Variants in TRRAP observed in about 807,000 individuals in gnomAD.
The protein encoded by TRRAP is transformation/transcription domain associated protein, also known as transformation/transcription domain-associated protein.
Under a neutral mutation model 438.8 loss-of-function variants are expected in TRRAP, and 41 were observed. That is an observed-to-expected ratio of 0.09 (90% CI 0.07 to 0.12). The LOEUF is 0.12. Ranked by LOEUF, TRRAP falls within the 10% of genes least tolerant of loss-of-function variation. The pLI, the probability that TRRAP is intolerant of heterozygous loss-of-function variation, is 1.00. For missense variants in TRRAP, 3,122 were observed against 5,055.1 expected (o/e 0.62, Z 11.60); for synonymous variants, 1,994 against 1,962.9 (o/e 1.02, Z -0.42).
In TRRAP at chr7:98,994,064, A is replaced by G. The variant is rs1793539241; in HGVS notation, c.10047+327A>G. 6.6e-6 allele frequency among the ~76,000 whole-genome samples: 1 copy of G among 152,342 alleles called. No homozygotes were observed. Among genetic ancestry groups the G allele is most frequent in the South Asian group, 2.1e-4 (1 of 4,828 alleles). ...GAGCAGTGGCATGAGTAACAGGGTT[A>G]TAATTTCCATAGATGGGAAATTGTA... On this transcript the variant is annotated intron_variant, in intron 66 of 72. Coordinates refer to ENST00000456197, the MANE Select transcript of TRRAP (RefSeq NM_001375524.1). The surrounding 1 kb of genome is among the most constrained non-coding windows in gnomAD (Gnocchi z 4.8).
chr7:98,910,522 T>G lies in TRRAP; in HGVS notation c.1727T>G (p.Ile576Ser). 6.2e-7 allele frequency: 1 copy of G among 1,614,066 alleles called. No individual in the cohort carries two copies. The highest frequency in any genetic ancestry group is 1.1e-5 in the South Asian group (1 of 91,050). ...SCKAPGEAQF[I>S]PNKQLQPKET... Reference sequence around the variant, plus strand: ...TTCTCTTTTCCAGAAGCTCAGTTCATTCCCAACAAGCAGTTACAACCCAAA... The same window carrying G: ...TTCTCTTTTCCAGAAGCTCAGTTCAGTCCCAACAAGCAGTTACAACCCAAA... The change falls in exon 16 of 73, where the codon ATT becomes AGT. Residue 576 changes from isoleucine (I) to serine (S), a missense_variant. Coordinates refer to ENST00000456197, the MANE Select transcript of TRRAP (RefSeq NM_001375524.1).
intron 22 of TRRAP, among the ~76,000 whole-genome samples, chr7:98,926,098 G>A (rs577970619): frequency 2.6e-5 from 4 of 152,158 alleles, no homozygotes; most frequent in East Asian, 1.9e-4. Context: ...AGAAGTTGTC[G>A]AATACTTATC....
chr7:98,917,538 T>G lies in TRRAP; in HGVS notation c.2481T>G (p.Leu827=). 5 of 1,614,166 alleles carry G rather than the reference T, an allele frequency of 3.1e-6. No individual in the cohort carries two copies. Among genetic ancestry groups the G allele is most frequent in the Non-Finnish European group, 4.2e-6 (5 of 1,180,028 alleles). Residue 827 remains leucine, a synonymous_variant, in exon 20 of 73, where the codon CTT becomes CTG. Transcript: ENST00000456197. ...CGCTTTTGCCGTACCTGCCCATGCT[T>G]ATGGATCCCTTGGTGTCTGCACTCA... ...LSSLLPYLPM[L]MDPLVSALNG... is the part of the protein sequence containing the mutation.
intron 44 of TRRAP, among the ~76,000 whole-genome samples, chr7:98,958,670 C>T (rs185830423): frequency 1.3e-3 from 201 of 152,216 alleles, no homozygotes; most frequent in African/African-American, 4.2e-3. Flanking sequence ...TTCTAGTTGA[C>T]AGCATGTTAA....
In TRRAP at chr7:98,956,341, TC is replaced by T; in HGVS notation, c.6096+39del. ...AGCCTCAGGGGTGCCCCGATCGTCT[TC>T]CTTTGACTTCTCCCTAGAAATCAGT... On this transcript the variant is annotated intron_variant, in intron 42 of 72. Coordinates refer to ENST00000456197, the MANE Select transcript of TRRAP (RefSeq NM_001375524.1). This position sits in a 1 kb window ranked among gnomAD's most constrained non-coding sequence, Gnocchi z 4.5. 1 of 1,613,418 alleles carries T rather than the reference TC, an allele frequency of 6.2e-7. No homozygotes were observed. The highest frequency in any genetic ancestry group is 8.5e-7 in the Non-Finnish European group (1 of 1,179,482).
intron 41 of TRRAP, among the ~76,000 whole-genome samples, chr7:98,955,936 G>A (rs1341891960): frequency 9.2e-5 from 14 of 152,184 alleles, no homozygotes; most frequent in Non-Finnish European, 1.5e-4. Flanking sequence ...ATGTAGTTGG[G>A]GTGGGGGAGG....
At position 98,997,483 on chromosome 7, in the gene TRRAP, C is replaced by CAAAAAA. The variant is rs61132070; in HGVS notation, c.10309+2659_10309+2664dup. Among the ~76,000 whole-genome samples, 141 of 42,620 alleles carry CAAAAAA rather than the reference C, an allele frequency of 3.3e-3. 11 individuals are homozygous for CAAAAAA. The highest frequency in any genetic ancestry group is 8.6e-3 in the African/African-American group (101 of 11,734). The allele number at this position is 42,620 out of a possible 152,430, so 28.0% of individuals were successfully genotyped here. ...ATTATCACCCAAAACACTGCTGTTG[C>CAAAAAA]AAAAAAAAAAAAAAAAAAAAAAAAA... On this transcript the variant is annotated intron_variant, in intron 67 of 72. Coordinates refer to ENST00000456197, the MANE Select transcript of TRRAP (RefSeq NM_001375524.1).
chr7:98,962,274 C>T, intron 46 of TRRAP, 28 bp from the exon 47 acceptor site: 2 of 1,613,944 alleles, frequency 1.2e-6, no homozygotes, highest in Non-Finnish European at 1.7e-6. Flanking sequence ...GCCATAACCA[C>T]AGTGCCTGGG....
chr7:98,910,395 A>G lies in TRRAP; in HGVS notation c.1690A>G (p.Ile564Val), dbSNP rs782504945. The G allele has an allele frequency of 3.2e-5, 51 of 1,609,362 alleles. No individual in the cohort carries two copies. The highest frequency in any genetic ancestry group is 4.2e-5 in the Non-Finnish European group (50 of 1,178,986). ...TGGTGTCAAGACAATCACGTGGGGC[A>G]TAACATCATGCAAAGCACCTGGTGG... ...VCGVKTITWG[I>V]TSCKAPGEAQ... The change falls in exon 15 of 73, where the codon ATA (isoleucine) becomes GTA (valine). Residue 564 changes from isoleucine (I) to valine (V), a missense_variant. Around this residue, in one of 24 missense-constraint regions of TRRAP, gnomAD observed 149 missense variants for 302.8 expected, o/e 0.49. Coordinates refer to ENST00000456197, the MANE Select transcript of TRRAP (RefSeq NM_001375524.1).
chr7:98,977,085 C>T lies in TRRAP; in HGVS notation c.8385+9C>T. 2 of 1,614,206 alleles carry T rather than the reference C, an allele frequency of 1.2e-6. No individual in the cohort carries two copies. The highest frequency in any genetic ancestry group is 8.5e-7 in the Non-Finnish European group (1 of 1,180,040). On this transcript the variant is annotated intron_variant, in intron 56 of 72. Coordinates refer to ENST00000456197, the MANE Select transcript of TRRAP (RefSeq NM_001375524.1). ...ACGGGTTCTTTGAGCAGGTAAACCTCAGACCACTGACGGTCTTGGGTGTGT... is the reference window on the plus strand; with the variant it reads ...ACGGGTTCTTTGAGCAGGTAAACCTTAGACCACTGACGGTCTTGGGTGTGT...
At position 98,978,910 on chromosome 7, in the gene TRRAP, A is replaced by G. The variant is rs1232017620; in HGVS notation, c.8634+6A>G. On this transcript the variant is annotated splice_donor_region_variant and intron_variant, in intron 58 of 72. Coordinates refer to ENST00000456197, the MANE Select transcript of TRRAP (RefSeq NM_001375524.1). ...TGAAGGAGGCGCTGGTGCAGGTGAG[A>G]CGCCCCGGGGGCATCCCTGCCGCTG... 6.2e-7 allele frequency: 1 copy of G among 1,613,596 alleles called. No individual in the cohort carries two copies. The highest frequency in any genetic ancestry group is 1.1e-5 in the South Asian group (1 of 91,088).
chr7:98,951,957 A>AT (rs782567140), intron 39 of TRRAP, among the ~76,000 whole-genome samples: 1 of 151,924 alleles, frequency 6.6e-6, no homozygotes, highest in African/African-American at 2.4e-5. Flanking sequence ...TGCTGTGGGG[A>AT]TTTTGAACGT....
intron 11 of TRRAP, among the ~76,000 whole-genome samples, chr7:98,901,929 G>C (rs1554406714): frequency 6.6e-6 from 1 of 152,228 alleles, no homozygotes; most frequent in Non-Finnish European, 1.5e-5. Context: ...TTTAGCCACA[G>C]ATTTGTACCA....
chr7:98,957,200 C>A (rs1158492965), intron 43 of TRRAP, among the ~76,000 whole-genome samples: 1 of 152,234 alleles, frequency 6.6e-6, no homozygotes, highest in South Asian at 2.1e-4. Flanking sequence ...TGCCTTCACA[C>A]TGTGGTCCCA....
chr7:99,007,230 T>C (rs1465053539), intron 69 of TRRAP, among the ~76,000 whole-genome samples: 2 of 152,232 alleles, frequency 1.3e-5, no homozygotes, highest in Non-Finnish European at 1.5e-5. Flanking sequence ...TCCTAGGTGC[T>C]GAAAGACAAG....
chr7:98,984,897 GT>G (rs1562971598), intron 61 of TRRAP, 46 bp from the exon 62 acceptor site: 2 of 1,284,666 alleles, frequency 1.6e-6, no homozygotes, highest in Admixed American at 3.7e-5. Flanking sequence ...TTTTCATATT[GT>G]TTAGAAATTT....
At chr7:99,000,763 T>A (rs1793886008) in intron 67 of TRRAP, among the ~76,000 whole-genome samples, 1 of 152,178 alleles carries the variant, frequency 6.6e-6, no homozygotes, top group Non-Finnish European at 1.5e-5. Flanking sequence ...CACCTTTCCC[T>A]TCCTCATCAG....
chr7:98,999,373 C>A (rs1793816949), intron 67 of TRRAP: 12 of 1,382,436 alleles, frequency 8.7e-6, no homozygotes, highest in Non-Finnish European at 1.1e-5. Flanking sequence ...TCCTGCACAG[C>A]TCTCTCATCC....
intron 64 of TRRAP, among the ~76,000 whole-genome samples, chr7:98,991,406 G>A (rs888889269): frequency 6.6e-6 from 1 of 152,240 alleles, no homozygotes; most frequent in East Asian, 1.9e-4. Context: ...TGGGCCCTGA[G>A]CGATGCCCTG....
Sources: gnomAD v4.1 joint callset for allele counts (sites outside exome capture counted in the v4.1 genomes callset) on GRCh38, gnomAD v4.1.1 for gene constraint, gnomAD v4.1.1 regional missense constraint, Gnocchi (gnomAD v3.1) non-coding constraint, MANE v1.5 for transcripts, NCBI Gene and HGNC (gene_info 2026-07-23, HGNC 2026-07-21) for gene names.